Variants in TTC5 observed in about 807,000 individuals in gnomAD.
The protein encoded by TTC5 is tetratricopeptide repeat domain 5.
Under a neutral mutation model 57.4 loss-of-function variants are expected in TTC5, and 46 were observed. That is an observed-to-expected ratio of 0.80 (90% confidence interval 0.63 to 1.03). The LOEUF (loss-of-function observed/expected upper bound fraction) is 1.03. Among genes scored for constraint, TTC5 ranks in the 50% least tolerant of loss-of-function variants. The pLI is 0.00. For missense variants in TTC5, 504 were observed against 528.1 expected, an observed-to-expected ratio of 0.95 and a Z score of 0.45; for synonymous variants, 190 against 203.5, an observed-to-expected ratio of 0.93 and a Z score of 0.57.
At position 20,305,906 on chromosome 14, in the gene TTC5, G is replaced by T. The variant is rs1021461133; in HGVS notation, c.32C>A (p.Pro11Gln). ...CCCCACCTGCAATTTCTGCAAGATC[G>T]GCTTGACTTCTTCCTCTTCATCAGC... MMADEEEEVK[P>Q]ILQKLQELVD... The change falls in exon 1 of 10, where the codon CCG becomes CAG. Residue 11 changes from proline to glutamine, a missense_variant. Physicochemically the swap from Pro to Gln is moderately conservative, Grantham distance 76. Coordinates refer to ENST00000258821, the MANE Select transcript of TTC5 (RefSeq NM_138376.3). 1 of 1,613,782 alleles carries T rather than the reference G, an allele frequency of 6.2e-7. No homozygotes were observed.
In TTC5 at chr14:20,295,354, C is replaced by G; in HGVS notation, c.1016G>C (p.Gly339Ala). ...PGVNSGAVIL[G>A]KVVFSLTTEE... The stretch of plus-strand genomic sequence containing the variant: ...TGTGGTGAGGCTAAATACCACCTTT[C>G]CCAGGATGACGGCACCGCTGTTCAC... Residue 339 changes from glycine to alanine, a missense_variant, in exon 8 of 10, where the codon GGA becomes GCA. Gly to Ala is a moderately conservative substitution (Grantham distance 60). Coordinates refer to ENST00000258821, the MANE Select transcript of TTC5 (RefSeq NM_138376.3). The G allele has an allele frequency of 6.2e-7, 1 of 1,614,164 alleles. No homozygotes were observed. The highest frequency in any genetic ancestry group is 8.5e-7 in the Non-Finnish European group (1 of 1,180,034).
intron 9 of TTC5, among the ~76,000 whole-genome samples, chr14:20,290,578 T>G (rs1037223395): frequency 6.6e-6 from 1 of 152,214 alleles, no homozygotes; most frequent in Non-Finnish European, 1.5e-5. Context: ...CTTATTTACA[T>G]CCACTGTTGG....
At position 20,305,898 on chromosome 14, in the gene TTC5, G is replaced by A; in HGVS notation, c.40C>T (p.Gln14Ter). ...DEEEEVKPILQKLQELVDQLY... is the reference protein window; with the variant it reads ...DEEEEVKPIL Reference sequence around the variant, plus strand: ...ATCTACGGCCCCACCTGCAATTTCTGCAAGATCGGCTTGACTTCTTCCTCT... The same window carrying A: ...ATCTACGGCCCCACCTGCAATTTCTACAAGATCGGCTTGACTTCTTCCTCT... The change falls in exon 1 of 10, where the codon CAG becomes TAG. Residue 14 changes from glutamine (Q) to a stop codon, truncating the protein, a stop_gained. Transcript: ENST00000258821. LOFTEE classifies it high-confidence loss of function. The A allele has an allele frequency of 6.2e-7, 1 of 1,614,012 alleles. No homozygotes were observed. Among genetic ancestry groups the A allele is most frequent in the Non-Finnish European group, 8.5e-7 (1 of 1,179,986 alleles).
rs544629660 is a variant in TTC5 at position 20,287,611 on chromosome 14, C to G, written c.*2016G>C. The stretch of plus-strand genomic sequence containing the variant: ...TGGGTATTCTAGTTATTCCTGAAAC[C>G]GTATGTACAAATTTTGCATACTTAC... On this transcript the variant is annotated 3_prime_UTR_variant, in exon 10 of 10. Transcript: ENST00000258821. 1 of 152,030 alleles carries G rather than the reference C, an allele frequency of 6.6e-6. No individual in the cohort carries two copies. The highest frequency in any genetic ancestry group is 1.5e-5 in the Non-Finnish European group (1 of 68,022). 9.4% of individuals were successfully genotyped at this position (152,030 alleles called of 1,614,324 possible).
At chr14:20,302,443 C>T (rs773609364) in intron 1 of TTC5, among the ~76,000 whole-genome samples, 1 of 152,168 alleles carries the variant, frequency 6.6e-6, no homozygotes, top group African/African-American at 2.4e-5. Context: ...TACAACACAA[C>T]CTTTGTGAAT....
chr14:20,288,512 G>A lies in TTC5; in HGVS notation c.*1115C>T, dbSNP rs898801088. ...GCTCACTGCAACCTCCACTTCCCAGGTTCAAGCAATTCTCTGCCTCAGCCT... is the reference window on the plus strand; with the variant it reads ...GCTCACTGCAACCTCCACTTCCCAGATTCAAGCAATTCTCTGCCTCAGCCT... On this transcript the variant is annotated 3_prime_UTR_variant, in exon 10 of 10. Coordinates refer to ENST00000258821, the MANE Select transcript of TTC5 (RefSeq NM_138376.3). The A allele has an allele frequency of 6.6e-6, 1 of 152,272 alleles. No homozygotes were observed. The highest frequency in any genetic ancestry group is 1.5e-5 in the Non-Finnish European group (1 of 68,086). The allele number at this position is 152,272 out of a possible 1,614,324, so 9.4% of individuals were successfully genotyped here. A position where few individuals can be genotyped will look rare whatever the true frequency, so the allele number is the denominator to read the frequency against.
intron 5 of TTC5, among the ~76,000 whole-genome samples, chr14:20,296,832 G>A (rs953693197): frequency 6.6e-6 from 1 of 152,110 alleles, no homozygotes; most frequent in African/African-American, 2.4e-5. Context: ...GGCCAACCTG[G>A]TGAAACACTG....
Position 20,289,476 on chromosome 14 carries a change from A to C in TTC5, c.*151T>G. 2.4e-4 allele frequency: 208 copies of C among 858,028 alleles called. No homozygotes were observed. The highest frequency in any genetic ancestry group is 7.4e-4 in the Middle Eastern group (2 of 2,694). 53.2% of individuals were successfully genotyped at this position (858,028 alleles called of 1,614,324 possible). ...ACATGATGAGGACAGAGGAGAGAGAAGAGATACGAAGTGTAATACAGGCAG... is the reference window on the plus strand; with the variant it reads ...ACATGATGAGGACAGAGGAGAGAGACGAGATACGAAGTGTAATACAGGCAG... On this transcript the variant is annotated 3_prime_UTR_variant, in exon 10 of 10. Coordinates refer to ENST00000258821, the MANE Select transcript of TTC5 (RefSeq NM_138376.3).
intron 8 of TTC5, chr14:20,294,380 T>G (rs1882019318): frequency 6.6e-6 from 1 of 152,188 alleles, no homozygotes; most frequent in Non-Finnish European, 1.5e-5. Context: ...CTCTAGGATT[T>G]GCTCTAGTAA....
Position 20,301,891 on chromosome 14 carries a change from C to T in TTC5, c.126G>A (p.Lys42=). 1 of 1,614,128 alleles carries T rather than the reference C, an allele frequency of 6.2e-7. No homozygotes were observed. ...ETHSVEDAGR[K]QQDVQKEMEK... Reference sequence around the variant, plus strand: ...CCATCTCCTTCTGCACATCCTGTTGCTTCCTCCCAGCATCCTCAACACTAT... The same window carrying T: ...CCATCTCCTTCTGCACATCCTGTTGTTTCCTCCCAGCATCCTCAACACTAT... Residue 42 remains lysine (K), a synonymous_variant, in exon 2 of 10, where the codon AAG becomes AAA. Coordinates refer to ENST00000258821, the MANE Select transcript of TTC5 (RefSeq NM_138376.3).
intron 8 of TTC5, 46 bp from the exon 9 acceptor site, chr14:20,292,173 G>T: frequency 7.1e-7 from 1 of 1,400,176 alleles, no homozygotes; most frequent in Non-Finnish European, 9.4e-7. Context: ...AAAAAGGTAT[G>T]TGGGTAGGAA....
In TTC5 at chr14:20,289,493, T is replaced by TA; in HGVS notation, c.*133dup. 9.0e-7 allele frequency: 1 copy of TA among 1,111,306 alleles called. No individual in the cohort carries two copies. Among genetic ancestry groups the TA allele is most frequent in the Non-Finnish European group, 1.3e-6 (1 of 799,610 alleles). The allele number at this position is 1,111,306 out of a possible 1,614,324, so 68.8% of individuals were successfully genotyped here. On this transcript the variant is annotated 3_prime_UTR_variant, in exon 10 of 10. Transcript: ENST00000258821. ...GAGAGAGAAGAGATACGAAGTGTAA[T>TA]ACAGGCAGGGAAAGAGAAAGTCTTC... is the stretch of plus-strand genomic sequence containing the variant.
At position 20,289,546 on chromosome 14, in the gene TTC5, G is replaced by C. The variant is rs1881909645; in HGVS notation, c.*81C>G. On this transcript the variant is annotated 3_prime_UTR_variant, in exon 10 of 10. Coordinates refer to ENST00000258821, the MANE Select transcript of TTC5 (RefSeq NM_138376.3). ...TTAAAACATTCCTCCCATCCCTGCT[G>C]AATCACTGGATGTGGCTGGACCGGC... 4.0e-6 allele frequency: 6 copies of C among 1,506,848 alleles called. No individual in the cohort carries two copies. The highest frequency in any genetic ancestry group is 4.8e-4 in the Middle Eastern group (2 of 4,180). 93.3% of individuals were successfully genotyped at this position (1,506,848 alleles called of 1,614,324 possible). A position where few individuals can be genotyped will look rare whatever the true frequency, so the allele number is the denominator to read the frequency against.
At position 20,300,735 on chromosome 14, in the gene TTC5, C is replaced by G. The variant is rs1882172505; in HGVS notation, c.268G>C (p.Glu90Gln). Residue 90 changes from glutamate to glutamine, a missense_variant, in exon 3 of 10, where the codon GAG becomes CAG. Transcript: ENST00000258821. ...AGCTTCACAGCCTTTGACAGAAGCT[C>G]CTCAGCCTTAGGGCTATAGTCAGGA... ...VTPDYSPKAE[E>Q]LLSKAVKLEP... The G allele has an allele frequency of 6.2e-7, 1 of 1,614,144 alleles. No individual in the cohort carries two copies. The highest frequency in any genetic ancestry group is 2.2e-5 in the East Asian group (1 of 44,884).
intron 6 of TTC5, among the ~76,000 whole-genome samples, 156 bp from the exon 7 acceptor site, chr14:20,296,010 C>A (rs1054058427): frequency 1.3e-5 from 2 of 152,240 alleles, no homozygotes; most frequent in African/African-American, 2.4e-5. Context: ...TAACACCTTA[C>A]ATCCTTCTTC....
rs1017819889 is a variant in TTC5 at position 20,305,606 on chromosome 14, C to G, written c.51+281G>C. 3 of 528,432 alleles carry G rather than the reference C, an allele frequency of 5.7e-6. No individual in the cohort carries two copies. The South Asian group carries it at 7.4e-5, about 13-fold the overall frequency. The allele number at this position is 528,432 out of a possible 1,614,324, so 32.7% of individuals were successfully genotyped here. On this transcript the variant is annotated intron_variant, in intron 1 of 9. Transcript: ENST00000258821. ...TATATGCTATTCGCTATGGATGAAT[C>G]GAGAAAACAACGTCCTCTCTAAAAA...
intron 5 of TTC5, among the ~76,000 whole-genome samples, 192 bp downstream of exon 5, chr14:20,298,605 G>A (rs1006719693): frequency 2.2e-5 from 3 of 137,940 alleles, no homozygotes; most frequent in Non-Finnish European, 5.1e-5. Flanking sequence ...CACGATGCAA[G>A]TGGTTCCTAA....
chr14:20,301,565 G>A (rs563768732), intron 2 of TTC5, among the ~76,000 whole-genome samples: 12 of 152,302 alleles, frequency 7.9e-5, no homozygotes, highest in African/African-American at 2.9e-4. Flanking sequence ...AAGTGGATTT[G>A]AAAGTAAAAG....
intron 8 of TTC5, 50 bp downstream of exon 8, chr14:20,295,262 G>A (rs750684784): frequency 6.5e-7 from 1 of 1,547,112 alleles, no homozygotes; most frequent in Non-Finnish European, 8.9e-7. Flanking sequence ...CAGGAAGTGA[G>A]AGCAATTAGT....
Sources: gnomAD v4.1 joint callset for allele counts (sites outside exome capture counted in the v4.1 genomes callset) on GRCh38, gnomAD v4.1.1 for gene constraint, MANE v1.5 for transcripts, NCBI Gene and HGNC (gene_info 2026-07-23, HGNC 2026-07-21) for gene names.